Variants in PRKD1 observed in about 807,000 individuals in gnomAD.
PRKD1 encodes serine/threonine-protein kinase D1.
In PRKD1, 63 loss-of-function variants were observed where a neutral mutation model predicts 95.9. That is an observed-to-expected ratio of 0.66 (90% confidence interval 0.54 to 0.81). PRKD1 has a LOEUF of 0.81. PRKD1 is among the 30% of genes least tolerant of loss of function. The pLI, the probability that PRKD1 is intolerant of heterozygous loss-of-function variation, is 0.00. For synonymous variants in PRKD1, 425 were observed against 423.1 expected, an observed-to-expected ratio of 1.00 and a Z score of -0.05; for missense variants, 1,048 against 1,165.3, an observed-to-expected ratio of 0.90 and a Z score of 1.47.
At chr14:29,612,179 C>CT (rs1878515974) in intron 13 of PRKD1, among the ~76,000 whole-genome samples, 1 of 152,224 alleles carries the variant, frequency 6.6e-6, no homozygotes, top group East Asian at 1.9e-4. Flanking sequence ...ATGGTAATAC[C>CT]TTACATCTGT....
chr14:29,621,610 T>C (rs1879272096), intron 13 of PRKD1, among the ~76,000 whole-genome samples: 1 of 152,126 alleles, frequency 6.6e-6, no homozygotes, highest in South Asian at 2.1e-4. Context: ...ATTGTACAGG[T>C]TATGTGATTG....
At chr14:29,722,026 GA>G (rs35662119) in intron 2 of PRKD1, among the ~76,000 whole-genome samples, 7,622 of 146,600 alleles carry the variant, frequency 0.052, 248 homozygotes, top group Admixed American at 0.094. Flanking sequence ...TATAAGCAAA[GA>G]AAAAAAAAAA....
At chr14:29,920,196 C>T (rs767933304) in intron 1 of PRKD1, among the ~76,000 whole-genome samples, 4 of 151,822 alleles carry the variant, frequency 2.6e-5, no homozygotes, top group African/African-American at 7.3e-5. Flanking sequence ...TGTTTTGTTC[C>T]AACATATTCC....
At chr14:29,841,007 G>C (rs1431385318) in intron 1 of PRKD1, among the ~76,000 whole-genome samples, 1 of 152,208 alleles carries the variant, frequency 6.6e-6, no homozygotes, top group Non-Finnish European at 1.5e-5. Context: ...GAGTCAAAGA[G>C]GATCATTTTG....
intron 1 of PRKD1, among the ~76,000 whole-genome samples, chr14:29,796,788 G>A (rs145580302): frequency 2.6e-5 from 4 of 152,256 alleles, no homozygotes; most frequent in Admixed American, 2.6e-4. Flanking sequence ...ACAAGAGTCT[G>A]ATTTAAGTAT....
At chr14:29,782,838 CT>C (rs912218571) in intron 1 of PRKD1, among the ~76,000 whole-genome samples, 8 of 152,200 alleles carry the variant, frequency 5.3e-5, no homozygotes, top group African/African-American at 1.7e-4. Context: ...GCCACTGCCC[CT>C]GGCCCAAATT....
rs1261943741 is a variant in PRKD1 at position 29,862,600 on chromosome 14, T to C, written c.264+64649A>G. Among the ~76,000 whole-genome samples the C allele has an allele frequency of 2.0e-5, 3 of 152,324 alleles. No homozygotes were observed. The East Asian group carries it at 5.8e-4, about 29-fold the overall frequency. ...GGTGAGATGATATCTCACTGTAGTT[T>C]GCATTTCTCTGATGATCAATGATGT... On this transcript the variant is annotated intron_variant, in intron 1 of 17. Transcript: ENST00000331968.
intron 1 of PRKD1, among the ~76,000 whole-genome samples, chr14:29,806,380 A>G (rs2139231188): frequency 6.6e-6 from 1 of 152,240 alleles, no homozygotes; most frequent in East Asian, 1.9e-4. Flanking sequence ...TATGCTGTGA[A>G]ACTGATTAAA....
At chr14:29,788,564 T>C (rs1404070783) in intron 1 of PRKD1, among the ~76,000 whole-genome samples, 1 of 152,222 alleles carries the variant, frequency 6.6e-6, no homozygotes, top group Non-Finnish European at 1.5e-5. Context: ...ATTTAGTTGG[T>C]TTATGGTGCC....
At chr14:29,596,183 G>C (rs537592260) in intron 16 of PRKD1, among the ~76,000 whole-genome samples, 1 of 152,274 alleles carries the variant, frequency 6.6e-6, no homozygotes, top group East Asian at 1.9e-4. Flanking sequence ...ACCAATAGCA[G>C]TCTAATAACT....
chr14:29,897,884 G>A (rs540287478), intron 1 of PRKD1, among the ~76,000 whole-genome samples: 1 of 152,180 alleles, frequency 6.6e-6, no homozygotes, highest in South Asian at 2.1e-4. Context: ...CCAAGAAATA[G>A]GAGTTAACAT....
chr14:29,678,245 G>C (rs1184474377), intron 2 of PRKD1, among the ~76,000 whole-genome samples: 1 of 152,094 alleles, frequency 6.6e-6, no homozygotes, highest in African/African-American at 2.4e-5. Context: ...TGGAATTTAT[G>C]TACAACTTTG....
At chr14:29,917,335 T>A (rs1417005274) in intron 1 of PRKD1, among the ~76,000 whole-genome samples, 1 of 152,176 alleles carries the variant, frequency 6.6e-6, no homozygotes, top group Non-Finnish European at 1.5e-5. Flanking sequence ...GTTTAAAAAC[T>A]TTTATTAACA....
intron 16 of PRKD1, among the ~76,000 whole-genome samples, chr14:29,586,479 C>T (rs1224950926): frequency 6.6e-6 from 1 of 152,184 alleles, no homozygotes; most frequent in Admixed American, 6.5e-5. Flanking sequence ...GAAAATCTGG[C>T]TTATCAACAA....
chr14:29,782,863 C>T (rs192144792), intron 1 of PRKD1, among the ~76,000 whole-genome samples: 1 of 152,218 alleles, frequency 6.6e-6, no homozygotes, highest in East Asian at 1.9e-4. Flanking sequence ...TTTTACTGCA[C>T]ATATCTGATG....
intron 1 of PRKD1, among the ~76,000 whole-genome samples, chr14:29,802,966 A>C (rs529039467): frequency 1.3e-5 from 2 of 152,346 alleles, no homozygotes; most frequent in South Asian, 2.1e-4. Context: ...CTCTGGTTTT[A>C]TTTTAAAAAT....
At chr14:29,856,709 G>A (rs911424014) in intron 1 of PRKD1, among the ~76,000 whole-genome samples, 5 of 152,144 alleles carry the variant, frequency 3.3e-5, no homozygotes, top group African/African-American at 1.2e-4. Context: ...AAGTACCATG[G>A]GTCCTGAAGG....
At chr14:29,633,059 A>G (rs1880131511) in intron 8 of PRKD1, 113 bp from the exon 9 acceptor site, 2 of 980,018 alleles carry the variant, frequency 2.0e-6, no homozygotes, top group Non-Finnish European at 3.2e-6. Flanking sequence ...TGGAAAGTGC[A>G]TGGGCTTTGG....
intron 2 of PRKD1, among the ~76,000 whole-genome samples, chr14:29,714,545 TGTG>T (rs1207408753): frequency 2.6e-5 from 4 of 152,194 alleles, no homozygotes; most frequent in African/African-American, 9.6e-5. Context: ...TGGAAGACAG[TGTG>T]GTGATTCCTC....
Sources: allele counts gnomAD v4.1 joint callset (sites outside exome capture counted in the v4.1 genomes callset), GRCh38; gene constraint gnomAD v4.1.1; transcripts MANE v1.5; gene names NCBI Gene and HGNC (gene_info 2026-07-23, HGNC 2026-07-21).